SCN2A: variants seen among roughly 807,000 people sequenced by gnomAD.
SCN2A encodes sodium voltage-gated channel alpha subunit 2, also known as sodium channel protein type 2 subunit alpha.
Under a neutral mutation model 188.7 loss-of-function variants are expected in SCN2A, and 20 were observed. The observed-to-expected ratio is 0.11, with a 90% CI of 0.07 to 0.15. SCN2A has a LOEUF of 0.15. Among genes scored for constraint, SCN2A ranks in the 10% least tolerant of loss-of-function variants. SCN2A has a pLI of 1.00. For missense variants in SCN2A, 1,278 were observed against 2,445.0 expected (o/e 0.52, Z 10.07); for synonymous variants, 804 against 833.1 (o/e 0.97, Z 0.60).
Position 165,365,258 on chromosome 2 carries a change from C to T in SCN2A, c.3515C>T (p.Thr1172Ile). The change falls in exon 18 of 27, where the codon ACA becomes ATA. Residue 1172 changes from threonine to isoleucine, a missense_variant. Coordinates refer to ENST00000375437, the MANE Select transcript of SCN2A (RefSeq NM_001040142.2). ...EESLEPEACF[T>I]EDCVRKFKCC... ...TCCCTTGAACCTGAAGCCTGTTTTA[C>T]AGAAGGTAAGCAAAACAATAACATA... is the stretch of plus-strand genomic sequence containing the variant. 2 of 1,613,732 alleles carry T rather than the reference C, an allele frequency of 1.2e-6. No homozygotes were observed. Among genetic ancestry groups the T allele is most frequent in the Non-Finnish European group, 1.7e-6 (2 of 1,179,794 alleles).
chr2:165,372,597 T>C (rs1393114398), intron 20 of SCN2A: 1 of 152,142 alleles, frequency 6.6e-6, no homozygotes, highest in Non-Finnish European at 1.5e-5. Context: ...ACTGTATGAA[T>C]AACTAAAGAC....
At chr2:165,366,834 C>A (rs1314141113) in intron 18 of SCN2A, among the ~76,000 whole-genome samples, 2 of 151,556 alleles carry the variant, frequency 1.3e-5, no homozygotes, top group African/African-American at 4.9e-5. Flanking sequence ...AATAGTTATA[C>A]CATTAAGTGA....
chr2:165,319,004 G>A (rs1485895361), intron 11 of SCN2A, among the ~76,000 whole-genome samples: 2 of 152,174 alleles, frequency 1.3e-5, no homozygotes, highest in South Asian at 2.1e-4. Context: ...AACAACAAGA[G>A]GAGAGATGAC....
intron 19 of SCN2A, among the ~76,000 whole-genome samples, chr2:165,368,669 G>T (rs1226989529): frequency 6.6e-6 from 1 of 152,150 alleles, no homozygotes; most frequent in East Asian, 1.9e-4. Flanking sequence ...TCAATGAAAT[G>T]ATCAACTGGA....
chr2:165,346,688 A>T (rs1395358686), intron 16 of SCN2A, among the ~76,000 whole-genome samples: 2 of 152,172 alleles, frequency 1.3e-5, no homozygotes, highest in Admixed American at 6.5e-5. Context: ...AATGGGAGAA[A>T]ATTTTTGCAA....
chr2:165,297,019 G>A lies in SCN2A; in HGVS notation c.270G>A (p.Thr90=), dbSNP rs776081713. The A allele has an allele frequency of 1.7e-5, 26 of 1,557,536 alleles. No homozygotes were observed. The highest frequency in any genetic ancestry group is 1.7e-4 in the Middle Eastern group (1 of 5,904). The part of the protein sequence containing the change: ...DLDPYYINKK[T]FIVLNKGKAI... ...ATGTGTTGTGTTTTCTTTTTCAGAC[G>A]TTTATAGTATTGAATAAAGGGAAAG... The change falls in exon 3 of 27, where the codon ACG becomes ACA. Residue 90 remains threonine (T), a splice_region_variant and synonymous_variant. Transcript: ENST00000375437.
At chr2:165,375,647 G>A (rs1701270404) in intron 22 of SCN2A, among the ~76,000 whole-genome samples, 1 of 151,932 alleles carries the variant, frequency 6.6e-6, no homozygotes, top group African/African-American at 2.4e-5. Flanking sequence ...AAAAGTAAAT[G>A]CGCTTGAATG....
At chr2:165,273,607 TTCTC>T (rs928936477) in intron 1 of SCN2A, 9 of 152,112 alleles carry the variant, frequency 5.9e-5, no homozygotes, top group African/African-American at 2.2e-4. Flanking sequence ...CTCTCTCTCT[TTCTC>T]TCTGTCTGTT....
intron 1 of SCN2A, among the ~76,000 whole-genome samples, chr2:165,294,705 T>G (rs1349564738): frequency 6.6e-6 from 1 of 152,176 alleles, no homozygotes; most frequent in Non-Finnish European, 1.5e-5. Flanking sequence ...TTGTTTCAAA[T>G]AGCATAGAAA....
chr2:165,314,857 G>T (rs1443469596), intron 10 of SCN2A, among the ~76,000 whole-genome samples: 1 of 152,154 alleles, frequency 6.6e-6, no homozygotes, highest in East Asian at 1.9e-4. Flanking sequence ...TGTAATAAAG[G>T]TCAAAGTATA....
At chr2:165,375,368 A>AGTGTGTGT (rs3030660) in intron 22 of SCN2A, among the ~76,000 whole-genome samples, 1 of 149,714 alleles carries the variant, frequency 6.7e-6, no homozygotes, top group African/African-American at 2.5e-5. Flanking sequence ...GATAAAGAAA[A>AGTGTGTGT]GTGTGTGTGT....
intron 13 of SCN2A, 115 bp from the exon 14 acceptor site, chr2:165,331,215 A>T: frequency 1.2e-6 from 1 of 835,330 alleles, no homozygotes; most frequent in South Asian, 1.5e-5. Flanking sequence ...CCAGCAGATT[A>T]ACCCATAATA....
chr2:165,244,174 G>A (rs553841114), intron 1 of SCN2A, among the ~76,000 whole-genome samples: 16 of 152,112 alleles, frequency 1.1e-4, no homozygotes, highest in African/African-American at 3.4e-4. Flanking sequence ...CCCAGGAGGC[G>A]GAGGTTGCAG....
chr2:165,338,374 C>T (rs1699120127), intron 14 of SCN2A, among the ~76,000 whole-genome samples: 2 of 151,814 alleles, frequency 1.3e-5, no homozygotes, highest in South Asian at 4.2e-4. Flanking sequence ...GTTCTGCTGC[C>T]TTAGCCTCCC....
Position 165,344,560 on chromosome 2 carries a change from A to C in SCN2A, c.2568A>C (p.Arg856=), listed in dbSNP as rs1699473589. 6.2e-7 allele frequency: 1 copy of C among 1,614,076 alleles called. No individual in the cohort carries two copies. ...LSVLRSFRLL[R]VFKLAKSWPT... ...GTTCTTGCTTTTATTTCCAGCTCCG[A>C]GTTTTCAAGTTGGCAAAATCTTGGC... is the stretch of plus-strand genomic sequence containing the variant. The change falls in exon 16 of 27, where the codon CGA becomes CGC. Residue 856 remains arginine, a synonymous_variant. Coordinates refer to ENST00000375437, the MANE Select transcript of SCN2A (RefSeq NM_001040142.2).
intron 25 of SCN2A, among the ~76,000 whole-genome samples, chr2:165,384,643 G>A (rs895852025): frequency 1.3e-5 from 2 of 151,956 alleles, no homozygotes; most frequent in African/African-American, 2.4e-5. Flanking sequence ...GCTTTTGAGG[G>A]GCCTCAAAAC....
At chr2:165,279,453 A>T (rs1376964961) in intron 1 of SCN2A, among the ~76,000 whole-genome samples, 1 of 152,202 alleles carries the variant, frequency 6.6e-6, no homozygotes, top group African/African-American at 2.4e-5. Flanking sequence ...ATGAAAGCTA[A>T]GATCAGAGCA....
Position 165,317,776 on chromosome 2 carries a change from C to T in SCN2A, c.1671+2018C>T, listed in dbSNP as rs554967151. On this transcript the variant is annotated intron_variant, in intron 11 of 26. Coordinates refer to ENST00000375437, the MANE Select transcript of SCN2A (RefSeq NM_001040142.2). ...CACTGACTTAGAAGACATGGCATGG[C>T]TGGCTCATATTGATACTTGTTTCTT... 2.4e-4 allele frequency among the ~76,000 whole-genome samples: 37 copies of T among 152,212 alleles called. No homozygotes were observed. In the South Asian group the frequency reaches 7.5e-3, roughly 31 times the overall value.
rs376956295 is a variant in SCN2A, at chr2:165,284,347, T to G, written c.-51-11426T>G. 1.1e-4 allele frequency among the ~76,000 whole-genome samples: 17 copies of G among 152,144 alleles called. No homozygotes were observed. The East Asian group carries it at 2.7e-3, about 24-fold the overall frequency. On this transcript the variant is annotated intron_variant, in intron 1 of 26. Coordinates refer to ENST00000375437, the MANE Select transcript of SCN2A (RefSeq NM_001040142.2). ...CACCACACCTGGCTAATTGTTTGTA[T>G]TTTTAGTAGGGATGGGGTTTCACCA...
Sources: gnomAD v4.1 joint callset for allele counts (sites outside exome capture counted in the v4.1 genomes callset) on GRCh38, gnomAD v4.1.1 for gene constraint, MANE v1.5 for transcripts, NCBI Gene and HGNC (gene_info 2026-07-23, HGNC 2026-07-21) for gene names.